Variants in COL15A1 observed in about 807,000 individuals in gnomAD.
The protein encoded by COL15A1 is collagen alpha-1(XV) chain.
Under a neutral mutation model 165.9 loss-of-function variants are expected in COL15A1, and 111 were observed. The ratio of observed to expected loss-of-function variants is 0.67; its 90% CI spans 0.57 to 0.78. The LOEUF (loss-of-function observed/expected upper bound fraction) is 0.78. Ranked by LOEUF, COL15A1 falls within the 30% of genes least tolerant of loss-of-function variation. The pLI is 0.00. For missense variants in COL15A1, 1,745 were observed against 1,789.7 expected, an observed-to-expected ratio of 0.98 and a Z score of 0.45; for synonymous variants, 659 against 674.8, an observed-to-expected ratio of 0.98 and a Z score of 0.36.
intron 9 of COL15A1, among the ~76,000 whole-genome samples, chr9:99,008,895 C>G (rs1250406622): frequency 6.6e-6 from 1 of 152,204 alleles, no homozygotes; most frequent in East Asian, 1.9e-4. Flanking sequence ...CAGGCATGAG[C>G]CACTGCGCCT....
At chr9:99,064,843 A>G (rs1825868964) in intron 39 of COL15A1, among the ~76,000 whole-genome samples, 1 of 152,222 alleles carries the variant, frequency 6.6e-6, no homozygotes, top group Non-Finnish European at 1.5e-5. Flanking sequence ...TAACCCTTCA[A>G]AAAGCCCCAA....
In COL15A1 at chr9:98,943,977, C is replaced by G; in HGVS notation, c.-85C>G. 1 of 1,570,430 alleles carries G rather than the reference C, an allele frequency of 6.4e-7. No individual in the cohort carries two copies. Among genetic ancestry groups the G allele is most frequent in the South Asian group, 1.1e-5 (1 of 87,654 alleles). On this transcript the variant is annotated 5_prime_UTR_variant, in exon 1 of 42. Coordinates refer to ENST00000375001, the MANE Select transcript of COL15A1 (RefSeq NM_001855.5). The stretch of plus-strand genomic sequence containing the variant: ...CAGGAAGGGCGAGCGCGGCGGCCAG[C>G]GCTCAGCGACCCTTCGTCCTCCGCT...
At chr9:99,029,572 T>A (rs1281564171) in intron 16 of COL15A1, among the ~76,000 whole-genome samples, 1 of 152,236 alleles carries the variant, frequency 6.6e-6, no homozygotes, top group Non-Finnish European at 1.5e-5. Context: ...TCCTATTTTA[T>A]ATCTTCTTTC....
intron 23 of COL15A1, 106 bp from the exon 24 acceptor site, chr9:99,041,939 G>T: frequency 1.5e-6 from 1 of 687,546 alleles, no homozygotes; most frequent in Non-Finnish European, 2.5e-6. Context: ...CACCTACCTG[G>T]GGGATGGCAG....
chr9:99,036,441 T>C (rs1839303761), intron 21 of COL15A1, 45 bp downstream of exon 21: 2 of 1,600,834 alleles, frequency 1.2e-6, no homozygotes, highest in Non-Finnish European at 1.7e-6. Flanking sequence ...TTTTCCACCT[T>C]TGCCAAAGGG....
intron 5 of COL15A1, among the ~76,000 whole-genome samples, chr9:98,989,661 G>C (rs770998991): frequency 1.3e-5 from 2 of 152,160 alleles, no homozygotes; most frequent in Non-Finnish European, 2.9e-5. Flanking sequence ...TGAAGTGCAG[G>C]GACAAGCCTC....
chr9:99,017,259 T>C (rs1305337566), intron 11 of COL15A1, among the ~76,000 whole-genome samples: 4 of 152,216 alleles, frequency 2.6e-5, no homozygotes, highest in Non-Finnish European at 5.9e-5. Flanking sequence ...GGAGATAAGA[T>C]GTGGAGAGGT....
At position 98,964,976 on chromosome 9, in the gene COL15A1, C is replaced by G. The variant is rs77115457; in HGVS notation, c.101-20589C>G. Among the ~76,000 whole-genome samples the G allele has an allele frequency of 9.3e-3, 1,413 of 152,312 alleles. 25 individuals are homozygous for G. The highest frequency in any genetic ancestry group is 0.032 in the African/African-American group (1,339 of 41,564). On this transcript the variant is annotated intron_variant, in intron 2 of 41. Transcript: ENST00000375001. ...CCTGGCTGAATTCACACAAGCTCAT[C>G]TGTTGGGACGCCCCGGGCTGTTCCC...
intron 24 of COL15A1, among the ~76,000 whole-genome samples, chr9:99,043,630 A>C (rs751353786): frequency 4.6e-5 from 7 of 152,192 alleles, no homozygotes; most frequent in Non-Finnish European, 8.8e-5. Context: ...GTAAGATCTA[A>C]ATACCAGGTG....
intron 19 of COL15A1, 62 bp from the exon 20 acceptor site, chr9:99,036,108 A>C: frequency 3.7e-6 from 5 of 1,339,462 alleles, no homozygotes; most frequent in South Asian, 1.2e-5. Flanking sequence ...TGGTGAGACA[A>C]GAGGCTAGAT....
intron 11 of COL15A1, among the ~76,000 whole-genome samples, chr9:99,019,518 A>G (rs1564060166): frequency 2.0e-5 from 3 of 151,890 alleles, no homozygotes; most frequent in Non-Finnish European, 4.4e-5. Flanking sequence ...CCCGTCCTCT[A>G]GGATCAGTAT....
In COL15A1 at chr9:98,989,416, T is replaced by C. The variant is rs147539014; in HGVS notation, c.804+158T>C. Reference sequence around the variant, plus strand: ...GGGGGGTCAGGAAAATAATGGCCAATGGGCACTTTGCAAAATCCCCTGGTG... The same window carrying C: ...GGGGGGTCAGGAAAATAATGGCCAACGGGCACTTTGCAAAATCCCCTGGTG... On this transcript the variant is annotated intron_variant, in intron 5 of 41. Coordinates refer to ENST00000375001, the MANE Select transcript of COL15A1 (RefSeq NM_001855.5). Among the ~76,000 whole-genome samples the C allele has an allele frequency of 6.2e-3, 938 of 152,314 alleles. 8 individuals are homozygous for C. Among genetic ancestry groups the C allele is most frequent in the African/African-American group, 0.021 (853 of 41,554 alleles).
At position 99,007,067 on chromosome 9, in the gene COL15A1, A is replaced by C. The variant is rs570897744; in HGVS notation, c.1353+2017A>C. 6.6e-5 allele frequency among the ~76,000 whole-genome samples: 10 copies of C among 152,354 alleles called. No homozygotes were observed. The East Asian group carries it at 1.9e-3, about 29-fold the overall frequency. On this transcript the variant is annotated intron_variant, in intron 9 of 41. Transcript: ENST00000375001. ...TGTAAGGTGTACATTGGTTCAGTCC[A>C]GAAAAGCAGGACAACTCAAAGTAGG...
intron 26 of COL15A1, among the ~76,000 whole-genome samples, chr9:99,046,471 T>C (rs895136336): frequency 1.3e-5 from 2 of 152,180 alleles, no homozygotes; most frequent in Non-Finnish European, 2.9e-5. Context: ...CACGCTGCTA[T>C]GAAGAAATAC....
chr9:99,017,121 C>A (rs1334667246), intron 11 of COL15A1, among the ~76,000 whole-genome samples: 1 of 152,218 alleles, frequency 6.6e-6, no homozygotes, highest in Non-Finnish European at 1.5e-5. Flanking sequence ...TGACCTCACT[C>A]CTGTCCGCAA....
At chr9:99,037,327 T>C in intron 21 of COL15A1, among the ~76,000 whole-genome samples, 1 of 152,222 alleles carries the variant, frequency 6.6e-6, no homozygotes, top group Non-Finnish European at 1.5e-5. Flanking sequence ...ATGAAATGTT[T>C]GGTGTCATTG....
At chr9:99,001,029 T>C (rs914862288) in intron 7 of COL15A1, 78 bp downstream of exon 7, 16 of 761,478 alleles carry the variant, frequency 2.1e-5, no homozygotes, top group Non-Finnish European at 3.6e-5. Context: ...ATGATTTTAC[T>C]GAGCACCAGA....
At chr9:98,973,273 G>A (rs1413632971) in intron 2 of COL15A1, among the ~76,000 whole-genome samples, 1 of 151,480 alleles carries the variant, frequency 6.6e-6, no homozygotes, top group Non-Finnish European at 1.5e-5. Flanking sequence ...AGAGAGAGAG[G>A]GAGGAGAGCT....
intron 16 of COL15A1, among the ~76,000 whole-genome samples, chr9:99,027,290 G>A (rs1839142272): frequency 1.3e-5 from 2 of 152,186 alleles, no homozygotes; most frequent in Non-Finnish European, 2.9e-5. Context: ...GGACAAAGAC[G>A]TGGAAAATGC....
Sources: allele counts gnomAD v4.1 joint callset (sites outside exome capture counted in the v4.1 genomes callset), GRCh38; gene constraint gnomAD v4.1.1; transcripts MANE v1.5; gene names NCBI Gene and HGNC (gene_info 2026-07-23, HGNC 2026-07-21).